The following RBFOX1 variants were observed in gnomAD, a reference collection of about 807,000 sequenced individuals.
The protein encoded by RBFOX1 is RNA binding fox-1 homolog 1, also known as RNA binding protein fox-1 homolog 1.
In RBFOX1, 8 loss-of-function variants were observed where a neutral mutation model predicts 57.7. That is an observed-to-expected ratio of 0.14 (90% CI 0.08 to 0.25). The LOEUF (loss-of-function observed/expected upper bound fraction) is 0.25. RBFOX1 is among the 10% of genes least tolerant of loss of function. The pLI, the probability that RBFOX1 is intolerant of heterozygous loss-of-function variation, is 1.00. For missense variants in RBFOX1, 611 were observed against 548.5 expected (o/e 1.11, Z -1.14); for synonymous variants, 326 against 222.4 (o/e 1.47, Z -4.15).
At chr16:5,776,258 G>C (rs1529920) in intron 3 of RBFOX1, among the ~76,000 whole-genome samples, 151,952 of 152,364 alleles carry the variant, frequency 1, 75,772 homozygotes, top group Middle Eastern at 1. Flanking sequence ...TTTGTATTCA[G>C]AAGGCTGCAG....
chr16:5,434,301 C>A (rs1177882400), intron 1 of RBFOX1, among the ~76,000 whole-genome samples: 3 of 145,592 alleles, frequency 2.1e-5, no homozygotes, highest in Non-Finnish European at 4.5e-5. Flanking sequence ...CAGAGGGAGC[C>A]ATCTCTGCTG....
intron 4 of RBFOX1, among the ~76,000 whole-genome samples, chr16:7,190,060 A>T (rs1017802972): frequency 2.0e-5 from 3 of 152,186 alleles, no homozygotes; most frequent in Non-Finnish European, 1.5e-5. Context: ...AGCACAGTTA[A>T]ATTTAAAATA....
At chr16:6,530,717 G>A (rs2096645773) in intron 2 of RBFOX1, among the ~76,000 whole-genome samples, 2 of 149,602 alleles carry the variant, frequency 1.3e-5, no homozygotes, top group African/African-American at 4.9e-5. Context: ...AAGAGAGAGA[G>A]CTTCTGCAGG....
chr16:5,455,338 A>T (rs572200270), intron 1 of RBFOX1, among the ~76,000 whole-genome samples: 10 of 152,048 alleles, frequency 6.6e-5, no homozygotes, highest in Non-Finnish European at 1.5e-4. Context: ...AGACAGATAT[A>T]TGGCTTTTTA....
intron 4 of RBFOX1, among the ~76,000 whole-genome samples, chr16:5,980,854 G>T (rs1224461756): frequency 1.3e-5 from 2 of 152,028 alleles, no homozygotes; most frequent in Non-Finnish European, 2.9e-5. Flanking sequence ...GTCGGGCAAC[G>T]CTGTCGTCCT....
At chr16:6,289,613 T>C (rs2077254434) in intron 1 of RBFOX1, among the ~76,000 whole-genome samples, 1 of 152,150 alleles carries the variant, frequency 6.6e-6, no homozygotes, top group Non-Finnish European at 1.5e-5. Flanking sequence ...CTGTCCAATA[T>C]CTGTTTAATC....
chr16:6,782,251 C>A (rs2081157207), intron 3 of RBFOX1, among the ~76,000 whole-genome samples: 1 of 152,166 alleles, frequency 6.6e-6, no homozygotes, highest in Non-Finnish European at 1.5e-5. Flanking sequence ...GTGGTCTGCC[C>A]ACCTCGGGCT....
chr16:5,778,869 T>C (rs2054235456), intron 3 of RBFOX1, among the ~76,000 whole-genome samples: 1 of 152,194 alleles, frequency 6.6e-6, no homozygotes. Context: ...GTTATTGTCA[T>C]CTGCCTGATA....
In RBFOX1 at chr16:7,221,709, A is replaced by T. The variant is rs547008182; in HGVS notation, c.27+169611A>T. ...AAATTATCCTGTTCTCCACATATAT[A>T]CTTTTAAAAAGCACTTCAAAATTTC... On this transcript the variant is annotated intron_variant, in intron 4 of 15. Coordinates refer to ENST00000550418, the MANE Select transcript of RBFOX1 (RefSeq NM_018723.4). Among the ~76,000 whole-genome samples the T allele has an allele frequency of 2.6e-4, 40 of 152,266 alleles. 1 individual carries two copies. In the South Asian group the frequency reaches 7.9e-3, roughly 30 times the overall value.
intron 2 of RBFOX1, among the ~76,000 whole-genome samples, chr16:6,344,391 CTTTTTTCTT>C (rs974924967): frequency 2.1e-5 from 2 of 94,408 alleles, no homozygotes; most frequent in South Asian, 3.2e-4. Flanking sequence ...CTCTCTTCTT[CTTTTTTCTT>C]TTTTTTCTTT....
chr16:7,006,957 C>G (rs1312326702), intron 3 of RBFOX1, among the ~76,000 whole-genome samples: 1 of 152,156 alleles, frequency 6.6e-6, no homozygotes, highest in Non-Finnish European at 1.5e-5. Flanking sequence ...TCTTAGTTTT[C>G]TACCACTGCC....
rs554751577 is a variant in RBFOX1 at position 7,065,176 on chromosome 16, T to A, written c.27+13078T>A. Among the ~76,000 whole-genome samples, 3 of 152,352 alleles carry A rather than the reference T, an allele frequency of 2.0e-5. No homozygotes were observed. The East Asian group carries it at 5.8e-4, about 29-fold the overall frequency. On this transcript the variant is annotated intron_variant, in intron 4 of 15. Coordinates refer to ENST00000550418, the MANE Select transcript of RBFOX1 (RefSeq NM_018723.4). ...CCTAAATGAGCAAGCAACTGGTGTTTGGAAGAATGCATTCTAATATTTCAT... is the reference window on the plus strand; with the variant it reads ...CCTAAATGAGCAAGCAACTGGTGTTAGGAAGAATGCATTCTAATATTTCAT...
chr16:7,342,162 G>C (rs149651227), intron 4 of RBFOX1, among the ~76,000 whole-genome samples: 2 of 152,142 alleles, frequency 1.3e-5, no homozygotes, highest in Non-Finnish European at 2.9e-5. Context: ...TACTCTCTCT[G>C]TGTTACTCTT....
Position 6,903,963 on chromosome 16 carries a change from C to G in RBFOX1, c.-15-148094C>G, listed in dbSNP as rs867395255. Among the ~76,000 whole-genome samples, 3 of 152,186 alleles carry G rather than the reference C, an allele frequency of 2.0e-5. No homozygotes were observed. In the South Asian group the frequency reaches 6.2e-4, roughly 32 times the overall value. Reference sequence around the variant, plus strand: ...GGCACCATTTGGAGGTACAAATCTGCAAATCCAAGGTTCACATCCCAGGGA... The same window carrying G: ...GGCACCATTTGGAGGTACAAATCTGGAAATCCAAGGTTCACATCCCAGGGA... On this transcript the variant is annotated intron_variant, in intron 3 of 15. Transcript: ENST00000550418.
intron 1 of RBFOX1, among the ~76,000 whole-genome samples, chr16:5,458,121 A>G (rs1012247229): frequency 6.6e-6 from 1 of 152,212 alleles, no homozygotes; most frequent in Non-Finnish European, 1.5e-5. Flanking sequence ...TTTGCAATGG[A>G]TATCAAATTA....
At chr16:7,492,538 A>G (rs766357463) in intron 4 of RBFOX1, among the ~76,000 whole-genome samples, 11 of 152,126 alleles carry the variant, frequency 7.2e-5, no homozygotes, top group Non-Finnish European at 1.0e-4. Context: ...AAACGACACT[A>G]AATAAAATTA....
chr16:7,360,597 C>T (rs1447068668), intron 4 of RBFOX1, among the ~76,000 whole-genome samples: 1 of 152,164 alleles, frequency 6.6e-6, no homozygotes, highest in Non-Finnish European at 1.5e-5. Flanking sequence ...AAGGACGTTT[C>T]CTGTAGGCCA....
intron 1 of RBFOX1, among the ~76,000 whole-genome samples, chr16:5,300,547 A>G (rs2063778647): frequency 1.3e-5 from 2 of 152,182 alleles, no homozygotes; most frequent in South Asian, 4.1e-4. Flanking sequence ...CCTCATCTCT[A>G]TTATTTTCTG....
At chr16:6,120,306 C>G (rs77275365) in intron 1 of RBFOX1, among the ~76,000 whole-genome samples, 1 of 152,198 alleles carries the variant, frequency 6.6e-6, no homozygotes, top group East Asian at 1.9e-4. Flanking sequence ...AGTGGAATTG[C>G]TGGATCATGC....
Sources: allele counts gnomAD v4.1 joint callset (sites outside exome capture counted in the v4.1 genomes callset), GRCh38; gene constraint gnomAD v4.1.1; transcripts MANE v1.5; gene names NCBI Gene and HGNC (gene_info 2026-07-23, HGNC 2026-07-21).